SDK2: variants seen among roughly 807,000 people sequenced by gnomAD.
SDK2 encodes the protein sidekick cell adhesion molecule 2.
In SDK2, 105 loss-of-function variants were observed where a neutral mutation model predicts 253.9. The observed-to-expected ratio is 0.41, with a 90% CI of 0.35 to 0.49. SDK2 has a LOEUF of 0.49. SDK2 is among the 20% of genes least tolerant of loss of function. SDK2 has a pLI of 0.06. For missense variants in SDK2, 2,608 were observed against 3,003.0 expected, an observed-to-expected ratio of 0.87 and a Z score of 3.07; for synonymous variants, 1,249 against 1,234.9, an observed-to-expected ratio of 1.01 and a Z score of -0.24.
rs1047688508 is a variant in SDK2 at position 73,612,503 on chromosome 17, G to C, written c.64+31522C>G. Among the ~76,000 whole-genome samples the C allele has an allele frequency of 6.6e-6, 1 of 152,204 alleles. No individual in the cohort carries two copies. The highest frequency in any genetic ancestry group is 2.4e-5 in the African/African-American group (1 of 41,450). On this transcript the variant is annotated intron_variant, in intron 1 of 44. Transcript: ENST00000392650. The surrounding 1 kb of genome is among the most constrained non-coding windows in gnomAD (Gnocchi z 4.4). ...GGTAGAAGAGGAGGCCAAGGGAAGG[G>C]AGTTCTGCAGCCGACAAGCCCAGGG...
chr17:73,615,126 T>C (rs1186044393), intron 1 of SDK2, among the ~76,000 whole-genome samples: 1 of 152,224 alleles, frequency 6.6e-6, no homozygotes, highest in African/African-American at 2.4e-5. Flanking sequence ...TTTTCAACTC[T>C]TTGAACCGTG....
chr17:73,408,763 G>A (rs1423563422), intron 18 of SDK2, among the ~76,000 whole-genome samples: 2 of 152,034 alleles, frequency 1.3e-5, no homozygotes, highest in Non-Finnish European at 2.9e-5. Flanking sequence ...TCTATAGATC[G>A]ACTGAGACCT....
intron 1 of SDK2, among the ~76,000 whole-genome samples, chr17:73,592,745 C>T (rs1033151723): frequency 2.6e-5 from 4 of 152,216 alleles, no homozygotes; most frequent in Non-Finnish European, 5.9e-5. Flanking sequence ...ACCCTGGCGG[C>T]TCCCCATTTC....
At chr17:73,594,889 C>T (rs1164392897) in intron 1 of SDK2, among the ~76,000 whole-genome samples, 1 of 151,916 alleles carries the variant, frequency 6.6e-6, no homozygotes, top group African/African-American at 2.4e-5. Context: ...ATAGCACACA[C>T]CTGCACATAT....
rs1001944210 is a variant in SDK2, at chr17:73,395,823, G to A, written c.3355-431C>T. Among the ~76,000 whole-genome samples, 2 of 152,204 alleles carry A rather than the reference G, an allele frequency of 1.3e-5. No individual in the cohort carries two copies. The highest frequency in any genetic ancestry group is 2.9e-5 in the Non-Finnish European group (2 of 68,044). ...CATGCCTGCCTTTGAGTGAGCATGGGCAGAGAGCAGGATGAGTGGGGCACC... is the reference window on the plus strand; with the variant it reads ...CATGCCTGCCTTTGAGTGAGCATGGACAGAGAGCAGGATGAGTGGGGCACC... On this transcript the variant is annotated intron_variant, in intron 24 of 44. Coordinates refer to ENST00000392650, the MANE Select transcript of SDK2 (RefSeq NM_001144952.2). The surrounding 1 kb of genome is among the most constrained non-coding windows in gnomAD (Gnocchi z 4.3).
intron 1 of SDK2, among the ~76,000 whole-genome samples, chr17:73,510,454 C>T (rs1056219222): frequency 6.6e-6 from 1 of 152,134 alleles, no homozygotes; most frequent in African/African-American, 2.4e-5. Context: ...CAGCTGCTGC[C>T]CAGAGGCTGC....
At chr17:73,566,625 G>A (rs2045315943) in intron 1 of SDK2, among the ~76,000 whole-genome samples, 1 of 152,142 alleles carries the variant, frequency 6.6e-6, no homozygotes, top group Non-Finnish European at 1.5e-5. Context: ...TGAGGTTTCA[G>A]AGGAAAACAA....
intron 1 of SDK2, among the ~76,000 whole-genome samples, chr17:73,522,252 G>C (rs2064086190): frequency 6.6e-6 from 1 of 152,232 alleles, no homozygotes; most frequent in African/African-American, 2.4e-5. Flanking sequence ...TGCCCCAAAG[G>C]CAGGGAGGAG....
At chr17:73,462,224 T>C (rs916737099) in intron 3 of SDK2, among the ~76,000 whole-genome samples, 5 of 152,012 alleles carry the variant, frequency 3.3e-5, no homozygotes, top group African/African-American at 4.8e-5. Context: ...TATGGTGGGA[T>C]AGATGGTTGT....
chr17:73,478,439 G>A (rs1377260837), intron 2 of SDK2, among the ~76,000 whole-genome samples: 1 of 152,112 alleles, frequency 6.6e-6, no homozygotes, highest in Non-Finnish European at 1.5e-5. Context: ...CAGAAAGAGG[G>A]CAGTGAAGGA....
At chr17:73,457,276 TTCCTTCCTTCC>T (rs2063534109) in intron 3 of SDK2, among the ~76,000 whole-genome samples, 2 of 35,852 alleles carry the variant, frequency 5.6e-5, no homozygotes, top group East Asian at 2.9e-3. Flanking sequence ...CCTTCCTTCC[TTCCTTCCTTCC>T]CCCCTCCCTC....
intron 14 of SDK2, among the ~76,000 whole-genome samples, chr17:73,422,820 G>C (rs979210047): frequency 6.6e-6 from 1 of 152,072 alleles, no homozygotes; most frequent in Non-Finnish European, 1.5e-5. Context: ...TCAGGGGTTT[G>C]AGACCAGCCT....
At chr17:73,388,644 A>G (rs2145490692) in intron 29 of SDK2, among the ~76,000 whole-genome samples, 1 of 152,290 alleles carries the variant, frequency 6.6e-6, no homozygotes, top group East Asian at 1.9e-4. Flanking sequence ...GTCTCCAGAC[A>G]TGTCCAATGT....
intron 1 of SDK2, among the ~76,000 whole-genome samples, chr17:73,565,839 T>G (rs889555558): frequency 1.3e-5 from 2 of 152,208 alleles, no homozygotes; most frequent in South Asian, 2.1e-4. Flanking sequence ...TTGTTTGTTT[T>G]TTTGAGATGG....
chr17:73,402,445 T>C (rs1467534565), intron 18 of SDK2, among the ~76,000 whole-genome samples: 2 of 152,262 alleles, frequency 1.3e-5, no homozygotes, highest in Non-Finnish European at 2.9e-5. Context: ...CAGGAACAGC[T>C]GCATAATTTG....
chr17:73,503,355 G>T (rs552557280), intron 2 of SDK2, among the ~76,000 whole-genome samples: 2 of 152,326 alleles, frequency 1.3e-5, no homozygotes, highest in Admixed American at 6.5e-5. Context: ...GTCGTGCATG[G>T]TTCTGCGGGT....
chr17:73,453,772 C>T (rs142531942), intron 4 of SDK2, among the ~76,000 whole-genome samples: 2 of 152,226 alleles, frequency 1.3e-5, no homozygotes, highest in East Asian at 3.9e-4. Context: ...ATTAGAACCA[C>T]CTGGGGAGCT....
intron 1 of SDK2, among the ~76,000 whole-genome samples, chr17:73,537,420 A>G (rs2044794384): frequency 6.6e-6 from 1 of 151,480 alleles, no homozygotes; most frequent in Non-Finnish European, 1.5e-5. Context: ...TTCGATTCCC[A>G]CTTTGTTCCC....
rs182224305 is a variant in SDK2 at position 73,625,663 on chromosome 17, G to T, written c.64+18362C>A. Among the ~76,000 whole-genome samples, 1,209 of 151,146 alleles carry T rather than the reference G, an allele frequency of 8.0e-3. 8 individuals are homozygous for T. Among genetic ancestry groups the T allele is most frequent in the African/African-American group, 0.028 (1,156 of 41,156 alleles). ...TTTTTCTTTTTCTTTTTCTTTTTTT[G>T]AGAGAGAGTCTCACTCTGTTGTCTA... On this transcript the variant is annotated intron_variant, in intron 1 of 44. Coordinates refer to ENST00000392650, the MANE Select transcript of SDK2 (RefSeq NM_001144952.2).
Sources: allele counts gnomAD v4.1 joint callset (sites outside exome capture counted in the v4.1 genomes callset), GRCh38; gene constraint gnomAD v4.1.1; non-coding constraint Gnocchi (gnomAD v3.1); transcripts MANE v1.5; gene names NCBI Gene and HGNC (gene_info 2026-07-23, HGNC 2026-07-21).